RBFOX1: variants seen among roughly 807,000 people sequenced by gnomAD.
The protein encoded by RBFOX1 is RNA binding fox-1 homolog 1, also known as RNA binding protein fox-1 homolog 1.
In RBFOX1, 8 loss-of-function variants were observed where a neutral mutation model predicts 57.7. The observed-to-expected ratio is 0.14, with a 90% CI of 0.08 to 0.25. The LOEUF is 0.25. Among genes scored for constraint, RBFOX1 ranks in the 10% least tolerant of loss-of-function variants. The pLI is 1.00. For synonymous variants in RBFOX1, 326 were observed against 222.4 expected (o/e 1.47, Z -4.15); for missense variants, 611 against 548.5 (o/e 1.11, Z -1.14).
intron 4 of RBFOX1, among the ~76,000 whole-genome samples, chr16:7,134,960 C>T (rs1227854471): frequency 6.6e-6 from 1 of 150,928 alleles, no homozygotes; most frequent in Non-Finnish European, 1.5e-5. Flanking sequence ...AGCCGCGTTC[C>T]AAGAGAGAGA....
chr16:7,620,672 A>G (rs1334365337), intron 10 of RBFOX1, among the ~76,000 whole-genome samples: 2 of 152,174 alleles, frequency 1.3e-5, no homozygotes, highest in African/African-American at 2.4e-5. Context: ...GCTTTGTTGT[A>G]ATGGGGGTAA....
At chr16:5,312,071 A>T (rs1347852935) in intron 1 of RBFOX1, among the ~76,000 whole-genome samples, 1 of 152,224 alleles carries the variant, frequency 6.6e-6, no homozygotes, top group Non-Finnish European at 1.5e-5. Flanking sequence ...GCATGAATGA[A>T]ACCCCATATG....
chr16:6,762,768 A>AG (rs145803025), intron 3 of RBFOX1, among the ~76,000 whole-genome samples: 7,596 of 152,240 alleles, frequency 0.05, 273 homozygotes, highest in Admixed American at 0.087. Flanking sequence ...CCAAGGGGAT[A>AG]GGGGGTAGTC....
chr16:5,462,757 G>T (rs1707990015), intron 1 of RBFOX1, among the ~76,000 whole-genome samples: 1 of 152,178 alleles, frequency 6.6e-6, no homozygotes, highest in South Asian at 2.1e-4. Context: ...GTCCCCTGGG[G>T]ACATTTGGCC....
chr16:5,922,505 G>T (rs537948441), intron 4 of RBFOX1, among the ~76,000 whole-genome samples: 1 of 152,280 alleles, frequency 6.6e-6, no homozygotes, highest in African/African-American at 2.4e-5. Flanking sequence ...CAGGGCAGAG[G>T]AGAGCCCAGG....
At position 6,217,260 on chromosome 16, in the gene RBFOX1, G is replaced by C. The variant is rs541553896; in HGVS notation, c.-126-99735G>C. ...ATGTCCCACTTTCAGAGATATATTTGAGAACAAAAATGTTGCCAAAAATGT... is the reference window on the plus strand; with the variant it reads ...ATGTCCCACTTTCAGAGATATATTTCAGAACAAAAATGTTGCCAAAAATGT... On this transcript the variant is annotated intron_variant, in intron 1 of 15. Transcript: ENST00000550418. Among the ~76,000 whole-genome samples, 5 of 124,682 alleles carry C rather than the reference G, an allele frequency of 4.0e-5. No homozygotes were observed. The East Asian group carries it at 1.3e-3, about 32-fold the overall frequency. The allele number at this position is 124,682 out of a possible 152,430, so 81.8% of individuals were successfully genotyped here.
At chr16:7,319,806 A>C (rs1003445312) in intron 4 of RBFOX1, among the ~76,000 whole-genome samples, 1 of 152,136 alleles carries the variant, frequency 6.6e-6, no homozygotes. Flanking sequence ...TCCCTGCTCA[A>C]GTTGCCATGA....
intron 1 of RBFOX1, among the ~76,000 whole-genome samples, chr16:6,191,500 T>G (rs1377998022): frequency 6.6e-6 from 1 of 152,144 alleles, no homozygotes; most frequent in African/African-American, 2.4e-5. Flanking sequence ...CATGCCCCAC[T>G]TTACAACTGC....
chr16:5,664,298 C>G (rs920303138), intron 3 of RBFOX1, among the ~76,000 whole-genome samples: 1 of 152,156 alleles, frequency 6.6e-6, no homozygotes, highest in Non-Finnish European at 1.5e-5. Context: ...GCCTATAATC[C>G]CAGCACTTTG....
At chr16:7,256,228 CT>C (rs2094676528) in intron 4 of RBFOX1, among the ~76,000 whole-genome samples, 1 of 152,190 alleles carries the variant, frequency 6.6e-6, no homozygotes, top group South Asian at 2.1e-4. Flanking sequence ...ACTCCCTTGC[CT>C]TCCAGCTCTG....
At chr16:6,539,470 G>C (rs1351329694) in intron 2 of RBFOX1, among the ~76,000 whole-genome samples, 1 of 152,096 alleles carries the variant, frequency 6.6e-6, no homozygotes, top group African/African-American at 2.4e-5. Flanking sequence ...CTATTACATA[G>C]TTTGGGTCTA....
chr16:7,445,071 C>T (rs559434827), intron 4 of RBFOX1, among the ~76,000 whole-genome samples: 6 of 150,002 alleles, frequency 4.0e-5, no homozygotes, highest in East Asian at 1.9e-4. Flanking sequence ...CTTGACTGCC[C>T]GGAAAAATAC....
chr16:7,501,007 A>G lies in RBFOX1; in HGVS notation c.28-17140A>G, dbSNP rs562964002. Among the ~76,000 whole-genome samples, 8 of 152,284 alleles carry G rather than the reference A, an allele frequency of 5.3e-5. No individual in the cohort carries two copies. The East Asian group carries it at 1.5e-3, about 29-fold the overall frequency. On this transcript the variant is annotated intron_variant, in intron 4 of 15. Transcript: ENST00000550418. ...TTCCTGCTGCCATGTGAAGAAGGACATATTTGCTTCCCCTTCCACCATGAT... is the reference window on the plus strand; with the variant it reads ...TTCCTGCTGCCATGTGAAGAAGGACGTATTTGCTTCCCCTTCCACCATGAT...
At chr16:6,316,318 T>C (rs978710012) in intron 1 of RBFOX1, among the ~76,000 whole-genome samples, 3 of 152,220 alleles carry the variant, frequency 2.0e-5, no homozygotes, top group Admixed American at 2.0e-4. Flanking sequence ...TGATATTTGG[T>C]TTATTTAAAT....
Position 7,653,741 on chromosome 16 carries a change from G to A in RBFOX1, c.758-74G>A. ...CCCTGTGCAGGGACAAGGGTTCCCGGGGCAGTTCCCTCCACAGCAGGGTGT... is the reference window on the plus strand; with the variant it reads ...CCCTGTGCAGGGACAAGGGTTCCCGAGGCAGTTCCCTCCACAGCAGGGTGT... On this transcript the variant is annotated intron_variant, in intron 11 of 15. Transcript: ENST00000550418. The A allele has an allele frequency of 4.4e-6, 7 of 1,591,430 alleles. No homozygotes were observed. In the South Asian group the frequency reaches 7.8e-5, roughly 18 times the overall value.
intron 3 of RBFOX1, among the ~76,000 whole-genome samples, chr16:5,749,889 C>CT (rs1375079078): frequency 6.6e-6 from 1 of 152,200 alleles, no homozygotes; most frequent in African/African-American, 2.4e-5. Flanking sequence ...CTCCGTCTAG[C>CT]TTTTTTCCAT....
chr16:7,549,136 G>A (rs2085532896), intron 5 of RBFOX1, among the ~76,000 whole-genome samples: 1 of 152,210 alleles, frequency 6.6e-6, no homozygotes, highest in African/African-American at 2.4e-5. Context: ...GAAGGCAGAG[G>A]TTCCAGAGAG....
intron 4 of RBFOX1, among the ~76,000 whole-genome samples, chr16:7,167,891 C>G (rs1293473414): frequency 6.6e-6 from 1 of 152,064 alleles, no homozygotes; most frequent in Admixed American, 6.5e-5. Context: ...AACCGCTCTT[C>G]TAGGGAGGTG....
chr16:5,817,040 C>T (rs1056868297), intron 3 of RBFOX1, among the ~76,000 whole-genome samples: 1 of 152,200 alleles, frequency 6.6e-6, no homozygotes, highest in African/African-American at 2.4e-5. Context: ...GATCCACCCA[C>T]CTCCAGTAAA....
Sources: gnomAD v4.1 joint callset for allele counts (sites outside exome capture counted in the v4.1 genomes callset) on GRCh38, gnomAD v4.1.1 for gene constraint, MANE v1.5 for transcripts, NCBI Gene and HGNC (gene_info 2026-07-23, HGNC 2026-07-21) for gene names.